The following TASP1 variants were observed in gnomAD, a reference collection of about 807,000 sequenced individuals.
TASP1 encodes threonine aspartase 1.
In TASP1, 16 loss-of-function variants were observed where a neutral mutation model predicts 56.6. The observed-to-expected ratio is 0.28, with a 90% CI of 0.19 to 0.43. TASP1 has a LOEUF of 0.43. TASP1 is among the 20% of genes least tolerant of loss of function. The probability of loss-of-function intolerance (pLI) is 1.00; values close to 1 mark genes in which losing one functional copy is unlikely to be tolerated. For synonymous variants in TASP1, 179 were observed against 184.2 expected (o/e 0.97, Z 0.23); for missense variants, 393 against 511.6 (o/e 0.77, Z 2.24).
chr20:13,145,360 C>T, the TASP1 span, among the ~76,000 whole-genome samples: 1 of 151,912 alleles, frequency 6.6e-6, no homozygotes, highest in Non-Finnish European at 1.5e-5. Context: ...AAACTGAGAG[C>T]CAAATTAGAA....
chr20:13,528,453 G>T lies in TASP1; in HGVS notation c.854C>A (p.Ser285Tyr), dbSNP rs1288633741. Residue 285 changes from serine (S) to tyrosine (Y), a missense_variant, in exon 10 of 14, where the codon TCC (serine) becomes TAC (tyrosine). Physicochemically the swap from Ser to Tyr is moderately radical, Grantham distance 144. This residue lies in a region of TASP1 where 293 missense variants were observed against 354.2 expected (regional missense o/e 0.83). Transcript: ENST00000337743. ...AENTGAHNPY[S>Y]TAVSTSGCGE... ...AATACCTGAGGTACTCACAGCTGTGGAGTAGGGGTTATGAGCTCCAGTATT... is the reference window on the plus strand; with the variant it reads ...AATACCTGAGGTACTCACAGCTGTGTAGTAGGGGTTATGAGCTCCAGTATT... 6.2e-7 allele frequency: 1 copy of T among 1,611,392 alleles called. No homozygotes were observed. Among genetic ancestry groups the T allele is most frequent in the Non-Finnish European group, 8.5e-7 (1 of 1,178,466 alleles).
the TASP1 span, among the ~76,000 whole-genome samples, chr20:13,263,055 G>A: frequency 4.6e-5 from 7 of 152,092 alleles, no homozygotes; most frequent in Non-Finnish European, 7.4e-5. Flanking sequence ...CAGGGCTGTC[G>A]TCAGAGTGCC....
intron 4 of TASP1, among the ~76,000 whole-genome samples, chr20:13,601,869 T>TTCCATTC: frequency 8.3e-4 from 1 of 1,202 alleles, no homozygotes; most frequent in South Asian, 0.029. Flanking sequence ...AACCCCATTC[T>TTCCATTC]TTTTTTTTTT....
intron 6 of TASP1, among the ~76,000 whole-genome samples, chr20:13,576,394 A>AAAAAGT (rs2046928496): frequency 6.8e-6 from 1 of 147,156 alleles, no homozygotes; most frequent in African/African-American, 2.6e-5. Context: ...AGAAAGAAAG[A>AAAAAGT]AAGTCAGTCT....
chr20:13,380,679 TGC>T, the TASP1 span, among the ~76,000 whole-genome samples: 1 of 152,188 alleles, frequency 6.6e-6, no homozygotes. Context: ...CGCCCACAGC[TGC>T]CCCTTCTCCC....
the TASP1 span, among the ~76,000 whole-genome samples, chr20:13,371,665 T>C: frequency 6.6e-6 from 1 of 152,174 alleles, no homozygotes; most frequent in South Asian, 2.1e-4. Context: ...TTAGGTCTGC[T>C]TTGTGTATAC....
chr20:13,408,810 G>A (rs976606016), intron 13 of TASP1, among the ~76,000 whole-genome samples: 5 of 152,050 alleles, frequency 3.3e-5, no homozygotes, highest in Admixed American at 6.5e-5. Context: ...CAGAATCGGT[G>A]AATGCATTAC....
At chr20:13,220,031 T>C in the TASP1 span, among the ~76,000 whole-genome samples, 5 of 152,022 alleles carry the variant, frequency 3.3e-5, no homozygotes, top group Non-Finnish European at 7.4e-5. Context: ...ATTCGGAGGC[T>C]CCATCCCGGA....
At chr20:13,335,324 GCA>G in the TASP1 span, among the ~76,000 whole-genome samples, 4,891 of 141,344 alleles carry the variant, frequency 0.035, 81 homozygotes, top group South Asian at 0.049. Flanking sequence ...CCTCACCTAT[GCA>G]CACACACACA....
At chr20:13,535,806 G>A (rs1441802931) in intron 8 of TASP1, among the ~76,000 whole-genome samples, 1 of 152,110 alleles carries the variant, frequency 6.6e-6, no homozygotes, top group Non-Finnish European at 1.5e-5. Context: ...TTCTACCTCT[G>A]TTTCGCAAGA....
intron 13 of TASP1, among the ~76,000 whole-genome samples, chr20:13,405,908 T>C (rs2041901346): frequency 6.6e-6 from 1 of 152,140 alleles, no homozygotes. Context: ...CAATATTTAA[T>C]AATTTCTGCA....
chr20:13,558,869 G>A lies in TASP1; in HGVS notation c.675+139C>T, dbSNP rs1601242230. On this transcript the variant is annotated intron_variant, in intron 8 of 13. Coordinates refer to ENST00000337743, the MANE Select transcript of TASP1 (RefSeq NM_017714.3). ...CTAATATTATGAACATATTTTTAATGTAGCTACTGAAAAACTTTAAAGTAC... is the reference window on the plus strand; with the variant it reads ...CTAATATTATGAACATATTTTTAATATAGCTACTGAAAAACTTTAAAGTAC... 30 of 420,068 alleles carry A rather than the reference G, an allele frequency of 7.1e-5. No individual in the cohort carries two copies. The East Asian group carries it at 1.1e-3, about 15-fold the overall frequency. 26.0% of individuals were successfully genotyped at this position (420,068 alleles called of 1,614,324 possible).
the TASP1 span, among the ~76,000 whole-genome samples, chr20:13,280,230 CT>C: frequency 6.6e-6 from 1 of 152,000 alleles, no homozygotes. Flanking sequence ...AATTAACTTC[CT>C]TGTATTTTTT....
chr20:13,127,926 T>C, the TASP1 span, among the ~76,000 whole-genome samples: 1 of 152,202 alleles, frequency 6.6e-6, no homozygotes, highest in Non-Finnish European at 1.5e-5. Flanking sequence ...CCTTATGGTA[T>C]GAGACTGAAG....
At chr20:13,331,673 CTTT>C in the TASP1 span, among the ~76,000 whole-genome samples, 1 of 131,422 alleles carries the variant, frequency 7.6e-6, no homozygotes, top group Non-Finnish European at 1.7e-5. Flanking sequence ...TTTTTTGTGG[CTTT>C]TTTTTTTTTT....
the TASP1 span, among the ~76,000 whole-genome samples, chr20:13,119,555 T>C: frequency 6.6e-6 from 1 of 152,232 alleles, no homozygotes; most frequent in African/African-American, 2.4e-5. Context: ...GTTCATTTTC[T>C]TATCTCTTAA....
the TASP1 span, among the ~76,000 whole-genome samples, chr20:13,369,113 GA>G: frequency 6.6e-6 from 1 of 152,012 alleles, no homozygotes; most frequent in Non-Finnish European, 1.5e-5. Flanking sequence ...CAGGTAGCTG[GA>G]AAAGAAAAAA....
chr20:13,322,470 G>C, the TASP1 span, among the ~76,000 whole-genome samples: 1 of 152,178 alleles, frequency 6.6e-6, no homozygotes, highest in Non-Finnish European at 1.5e-5. Flanking sequence ...ATTGCAAACA[G>C]ATCAGTTTCC....
At chr20:13,170,719 T>G in the TASP1 span, among the ~76,000 whole-genome samples, 1 of 152,118 alleles carries the variant, frequency 6.6e-6, no homozygotes, top group Non-Finnish European at 1.5e-5. Flanking sequence ...CTTTCTTAAT[T>G]AGGTTTGGGT....
Sources: allele counts gnomAD v4.1 joint callset (sites outside exome capture counted in the v4.1 genomes callset), GRCh38; gene constraint gnomAD v4.1.1; regional missense constraint gnomAD v4.1.1; transcripts MANE v1.5; gene names NCBI Gene and HGNC (gene_info 2026-07-23, HGNC 2026-07-21).